RGS2: variants seen among roughly 807,000 people sequenced by gnomAD.
RGS2 encodes the protein G0 to G1 switch regulatory 8, 24kD.
In RGS2, 20 loss-of-function variants were observed where a neutral mutation model predicts 26.6. The observed-to-expected ratio is 0.75, with a 90% confidence interval of 0.53 to 1.09. The LOEUF (loss-of-function observed/expected upper bound fraction) is 1.09. Ranked by LOEUF, RGS2 falls within the 50% of genes least tolerant of loss-of-function variation. RGS2 has a pLI of 0.00. For synonymous variants in RGS2, 97 were observed against 79.9 expected (o/e 1.21, Z -1.14); for missense variants, 246 against 245.5 (o/e 1.00, Z -0.01).
rs1665546357 is a variant in RGS2 at position 192,809,174 on chromosome 1, C to T, written c.103C>T (p.Arg35Trp). 1.2e-6 allele frequency: 2 copies of T among 1,608,702 alleles called. No individual in the cohort carries two copies. The highest frequency in any genetic ancestry group is 8.5e-7 in the Non-Finnish European group (1 of 1,175,100). The change falls in exon 1 of 5, where the codon CGG becomes TGG. Residue 35 changes from arginine to tryptophan, a missense_variant. By Grantham distance (101) the Arg-to-Trp change is moderately radical (BLOSUM62 -3). Transcript: ENST00000235382. ...CGAGGAGAAGCGAGAAAAGATGAAA[C>T]GGACCCTGTGAGTATGGCTTTCTTC... ...KSEEKREKMK[R>W]TLLKDWKTRL...
chr1:192,809,064 G>A lies in RGS2; in HGVS notation c.-8G>A, dbSNP rs759349861. On this transcript the variant is annotated 5_prime_UTR_variant, in exon 1 of 5. Coordinates refer to ENST00000235382, the MANE Select transcript of RGS2 (RefSeq NM_002923.4). ...GCAAACAGCCGGGGCTCCAGCGGGA[G>A]AACGATAATGCAAAGTGCTATGTTC... 2.4e-5 allele frequency: 39 copies of A among 1,605,970 alleles called. No homozygotes were observed. Among genetic ancestry groups the A allele is most frequent in the East Asian group, 4.5e-5 (2 of 44,832 alleles).
intron 1 of RGS2, chr1:192,809,531 G>T: frequency 2.7e-6 from 1 of 373,102 alleles, no homozygotes; most frequent in South Asian, 2.3e-5. Context: ...CACAGCTACT[G>T]GAAGGTGATG....
At chr1:192,810,471 A>G (rs1316251321) in intron 3 of RGS2, 40 bp downstream of exon 3, 3 of 1,589,408 alleles carry the variant, frequency 1.9e-6, no homozygotes, top group Non-Finnish European at 2.6e-6. Flanking sequence ...CTAACATCGC[A>G]AAAGCCTGGA....
chr1:192,810,876 A>T, intron 3 of RGS2, 105 bp from the exon 4 acceptor site: 4 of 1,299,090 alleles, frequency 3.1e-6, no homozygotes, highest in Non-Finnish European at 4.5e-6. Context: ...AATCTAGAAA[A>T]TTCATTTAGA....
intron 1 of RGS2, among the ~76,000 whole-genome samples, chr1:192,809,867 A>C (rs73062287): frequency 0.019 from 2,877 of 152,334 alleles, 77 homozygotes; most frequent in African/African-American, 0.054. Context: ...TGTGAGCCAG[A>C]AATAGTGTCT....
chr1:192,811,389 T>C lies in RGS2; in HGVS notation c.442-13T>C, dbSNP rs751634239. The C allele has an allele frequency of 1.2e-6, 2 of 1,601,374 alleles. No individual in the cohort carries two copies. Among genetic ancestry groups the C allele is most frequent in the Non-Finnish European group, 1.7e-6 (2 of 1,170,212 alleles). ...CTGAATACCAAATAAACAACTTTTTTGTTTTATTTCAGATAAACATAGATT... is the reference window on the plus strand; with the variant it reads ...CTGAATACCAAATAAACAACTTTTTCGTTTTATTTCAGATAAACATAGATT... On this transcript the variant is annotated splice_polypyrimidine_tract_variant and intron_variant, in intron 4 of 4. Transcript: ENST00000235382.
intron 4 of RGS2, 50 bp from the exon 5 acceptor site, chr1:192,811,352 T>C (rs1474492051): frequency 6.8e-7 from 1 of 1,481,182 alleles, no homozygotes; most frequent in Non-Finnish European, 9.3e-7. Flanking sequence ...TACTAAATTT[T>C]AATCTTTAAC....
chr1:192,810,125 TGTTGCTAGTTA>T, intron 1 of RGS2, 30 bp from the exon 2 acceptor site: 1 of 1,236,220 alleles, frequency 8.1e-7, no homozygotes, highest in Admixed American at 1.7e-5. Flanking sequence ...CATATTCAAG[TGTTGCTAGTTA>T]GTAATTATCT....
chr1:192,809,900 A>G (rs1665556614), intron 1 of RGS2, among the ~76,000 whole-genome samples: 1 of 152,246 alleles, frequency 6.6e-6, no homozygotes, highest in Non-Finnish European at 1.5e-5. Flanking sequence ...AAATTCATTA[A>G]CAATTCTTTA....
In RGS2 at chr1:192,811,003, T is replaced by C. The variant is rs745369264; in HGVS notation, c.297T>C (p.Ala99=). 88 of 1,613,890 alleles carry C rather than the reference T, an allele frequency of 5.5e-5. No individual in the cohort carries two copies. The highest frequency in any genetic ancestry group is 7.1e-5 in the Non-Finnish European group (84 of 1,179,896). The change falls in exon 4 of 5, where the codon GCT becomes GCC. Residue 99 remains alanine (A), a synonymous_variant. Transcript: ENST00000235382. The part of the protein sequence containing the change: ...ASKYGLAAFR[A]FLKSEFCEEN... ...CAGATGGTCTTGCTGCATTCAGGGCTTTTTTAAAGTCGGAATTCTGTGAAG... is the reference window on the plus strand; with the variant it reads ...CAGATGGTCTTGCTGCATTCAGGGCCTTTTTAAAGTCGGAATTCTGTGAAG...
At chr1:192,811,306 GC>G in intron 4 of RGS2, 95 bp from the exon 5 acceptor site, 3 of 1,299,312 alleles carry the variant, frequency 2.3e-6, no homozygotes, top group Non-Finnish European at 3.3e-6. Flanking sequence ...AGCTAGTAAA[GC>G]TAATCACACA....
Position 192,811,754 on chromosome 1 carries a change from C to A in RGS2, c.*158C>A. 2.8e-6 allele frequency: 2 copies of A among 726,764 alleles called. No individual in the cohort carries two copies. Among genetic ancestry groups the A allele is most frequent in the Non-Finnish European group, 2.4e-6 (1 of 408,908 alleles). 45.0% of individuals were successfully genotyped at this position (726,764 alleles called of 1,614,324 possible). Reference sequence around the variant, plus strand: ...AAAGTTGGGTAGTGAATCAGGAAGCCAGTAACTGACTAGGAGAAGCTGGTA... The same window carrying A: ...AAAGTTGGGTAGTGAATCAGGAAGCAAGTAACTGACTAGGAGAAGCTGGTA... On this transcript the variant is annotated 3_prime_UTR_variant, in exon 5 of 5. Transcript: ENST00000235382.
chr1:192,811,512 C>T lies in RGS2; in HGVS notation c.552C>T (p.Asn184=). 2 of 1,614,104 alleles carry T rather than the reference C, an allele frequency of 1.2e-6. No homozygotes were observed. The highest frequency in any genetic ancestry group is 8.5e-7 in the Non-Finnish European group (1 of 1,179,944). ...QKRVYSLMEN[N]SYPRFLESEF... ...GGGTATACAGCTTGATGGAGAACAA[C>T]TCTTATCCTCGTTTCTTGGAGTCAG... The change falls in exon 5 of 5, where the codon AAC becomes AAT. Residue 184 remains asparagine, a synonymous_variant. Transcript: ENST00000235382.
chr1:192,810,325 G>A (rs1004877458), intron 2 of RGS2, 45 bp from the exon 3 acceptor site: 4 of 1,607,044 alleles, frequency 2.5e-6, no homozygotes, highest in Non-Finnish European at 1.7e-6. Flanking sequence ...ACTGAAAAGG[G>A]GAACTCTGAT....
Position 192,809,083 on chromosome 1 carries a change from T to A in RGS2, c.12T>A (p.Ala4=), listed in dbSNP as rs762277643. The A allele has an allele frequency of 2.0e-5, 32 of 1,612,794 alleles. No homozygotes were observed. The highest frequency in any genetic ancestry group is 2.6e-5 in the Non-Finnish European group (31 of 1,178,936). MQS[A]MFLAVQHDCR... ...GCGGGAGAACGATAATGCAAAGTGC[T>A]ATGTTCTTGGCTGTTCAACACGACT... The change falls in exon 1 of 5, where the codon GCT becomes GCA. Residue 4 remains alanine (A), a synonymous_variant. Transcript: ENST00000235382.
intron 1 of RGS2, 24 bp downstream of exon 1, chr1:192,809,205 C>T: frequency 6.7e-7 from 1 of 1,487,616 alleles, no homozygotes; most frequent in East Asian, 2.3e-5. Flanking sequence ...TCTTCCCTCT[C>T]CCGCCACCCC....
In RGS2 at chr1:192,812,247, A is replaced by G. The variant is rs1049629936; in HGVS notation, c.*651A>G. 2 of 152,642 alleles carry G rather than the reference A, an allele frequency of 1.3e-5. No homozygotes were observed. Among genetic ancestry groups the G allele is most frequent in the African/African-American group, 2.4e-5 (1 of 41,448 alleles). The allele number at this position is 152,642 out of a possible 1,614,324, so 9.5% of individuals were successfully genotyped here. A position where few individuals can be genotyped will look rare whatever the true frequency, so the allele number is the denominator to read the frequency against. ...TTGAAGTGGTCTTTGAATACTTTTA[A>G]TAAATTTATTTTGATAAATAATATT... is the stretch of plus-strand genomic sequence containing the variant. On this transcript the variant is annotated 3_prime_UTR_variant, in exon 5 of 5. Transcript: ENST00000235382.
At position 192,810,412 on chromosome 1, in the gene RGS2, C is replaced by A; in HGVS notation, c.255C>A (p.Asp85Glu). Residue 85 changes from aspartate (D) to glutamate (E), a missense_variant, in exon 3 of 5, where the codon GAC (aspartate) becomes GAA (glutamate). Transcript: ENST00000235382. ...CACAGCTGTGGTCAGAAGCATTTGACGAGCTGCTAGCCAGCAAATGTAAGT... is the reference window on the plus strand; with the variant it reads ...CACAGCTGTGGTCAGAAGCATTTGAAGAGCTGCTAGCCAGCAAATGTAAGT... ...EEAQLWSEAF[D>E]ELLASKYGLA... is the part of the protein sequence containing the mutation. 6.2e-7 allele frequency: 1 copy of A among 1,614,106 alleles called. No individual in the cohort carries two copies. The highest frequency in any genetic ancestry group is 8.5e-7 in the Non-Finnish European group (1 of 1,179,986).
rs1022535708 is a variant in RGS2 at position 192,809,049 on chromosome 1, G to A, written c.-23G>A. On this transcript the variant is annotated 5_prime_UTR_variant, in exon 1 of 5. Coordinates refer to ENST00000235382, the MANE Select transcript of RGS2 (RefSeq NM_002923.4). ...GACGCACGCCCAGCCGCAAACAGCC[G>A]GGGCTCCAGCGGGAGAACGATAATG... 8 of 1,563,184 alleles carry A rather than the reference G, an allele frequency of 5.1e-6. No individual in the cohort carries two copies. Among genetic ancestry groups the A allele is most frequent in the Non-Finnish European group, 6.2e-6 (7 of 1,134,246 alleles).
Sources: allele counts gnomAD v4.1 joint callset (sites outside exome capture counted in the v4.1 genomes callset), GRCh38; gene constraint gnomAD v4.1.1; transcripts MANE v1.5; gene names NCBI Gene and HGNC (gene_info 2026-07-23, HGNC 2026-07-21).